ATP8B4: variants seen among roughly 807,000 people sequenced by gnomAD.
The protein encoded by ATP8B4 is ATPase phospholipid transporting 8B4 (putative).
In ATP8B4, 133 loss-of-function variants were observed where a neutral mutation model predicts 145.6. The observed-to-expected ratio is 0.91, with a 90% confidence interval of 0.79 to 1.05. ATP8B4 has a LOEUF of 1.05. Ranked by LOEUF, ATP8B4 falls within the 50% of genes least tolerant of loss-of-function variation. ATP8B4 has a pLI of 0.00. For synonymous variants in ATP8B4, 507 were observed against 492.9 expected (o/e 1.03, Z -0.38); for missense variants, 1,458 against 1,425.2 (o/e 1.02, Z -0.37).
At chr15:50,093,484 G>C (rs1260407924) in intron 2 of ATP8B4, among the ~76,000 whole-genome samples, 1 of 151,938 alleles carries the variant, frequency 6.6e-6, no homozygotes, top group African/African-American at 2.4e-5. Flanking sequence ...GTTGTAACCA[G>C]AGTAATCACA....
At chr15:50,130,848 G>A (rs771056260) in intron 1 of ATP8B4, among the ~76,000 whole-genome samples, 19 of 152,064 alleles carry the variant, frequency 1.2e-4, no homozygotes, top group Non-Finnish European at 2.5e-4. Context: ...TTAGTCTAAC[G>A]TTCTATGTTA....
At chr15:49,952,357 A>G (rs761572095) in intron 14 of ATP8B4, among the ~76,000 whole-genome samples, 3 of 151,938 alleles carry the variant, frequency 2.0e-5, no homozygotes, top group Non-Finnish European at 2.9e-5. Context: ...TGGTGTTTTT[A>G]TGAAGTCCCA....
chr15:49,952,064 T>G (rs372850239), intron 14 of ATP8B4, among the ~76,000 whole-genome samples: 5 of 152,240 alleles, frequency 3.3e-5, no homozygotes, highest in African/African-American at 1.2e-4. Flanking sequence ...AGAGATCTGC[T>G]GATAGTCTGA....
At chr15:50,029,629 C>T (rs1430298805) in intron 6 of ATP8B4, among the ~76,000 whole-genome samples, 3 of 152,096 alleles carry the variant, frequency 2.0e-5, no homozygotes, top group Non-Finnish European at 4.4e-5. Context: ...TTGCAAATAT[C>T]TTTGTACTAT....
upstream of ATP8B4, among the ~76,000 whole-genome samples, chr15:50,121,465 A>G (rs2057269641): frequency 6.6e-6 from 1 of 152,146 alleles, no homozygotes; most frequent in Non-Finnish European, 1.5e-5. Context: ...TGAACTGTAC[A>G]CTTAAAGGTA....
At chr15:49,950,926 C>G (rs2043048716) in intron 14 of ATP8B4, among the ~76,000 whole-genome samples, 1 of 152,154 alleles carries the variant, frequency 6.6e-6, no homozygotes, top group Non-Finnish European at 1.5e-5. Context: ...TTTCAAAGAA[C>G]TTCTTGATTT....
At chr15:50,136,778 G>A (rs1226751429) in intron 1 of ATP8B4, among the ~76,000 whole-genome samples, 1 of 152,166 alleles carries the variant, frequency 6.6e-6, no homozygotes, top group Non-Finnish European at 1.5e-5. Flanking sequence ...CTGCCACGCA[G>A]CAGCTGAACA....
chr15:50,173,048 G>C (rs974121576), intron 1 of ATP8B4, among the ~76,000 whole-genome samples: 2 of 145,220 alleles, frequency 1.4e-5, no homozygotes, highest in African/African-American at 5.2e-5. Flanking sequence ...GGCAGCCTCC[G>C]CCCGGCCAGC....
intron 23 of ATP8B4, among the ~76,000 whole-genome samples, chr15:49,880,919 T>C (rs1405571790): frequency 6.6e-6 from 1 of 151,918 alleles, no homozygotes; most frequent in Admixed American, 6.6e-5. Flanking sequence ...AAGACCATCC[T>C]GGCTAACATG....
chr15:50,152,431 C>T (rs2044359960), intron 1 of ATP8B4, among the ~76,000 whole-genome samples: 2 of 151,448 alleles, frequency 1.3e-5, no homozygotes, highest in Admixed American at 1.3e-4. Flanking sequence ...AATAACATGC[C>T]CATAAATGTA....
chr15:50,157,309 G>A (rs1595655892), intron 1 of ATP8B4, among the ~76,000 whole-genome samples: 1 of 152,114 alleles, frequency 6.6e-6, no homozygotes, highest in African/African-American at 2.4e-5. Flanking sequence ...ATCAAAAAGA[G>A]AGAGACTCAG....
At chr15:49,929,016 C>T (rs1486812356) in intron 16 of ATP8B4, among the ~76,000 whole-genome samples, 2 of 152,102 alleles carry the variant, frequency 1.3e-5, no homozygotes, top group Non-Finnish European at 2.9e-5. Flanking sequence ...GTGGGCCCCA[C>T]CTCAGACCAG....
At chr15:49,965,853 C>G (rs778662855) in intron 13 of ATP8B4, among the ~76,000 whole-genome samples, 10 of 148,306 alleles carry the variant, frequency 6.7e-5, no homozygotes, top group Non-Finnish European at 1.4e-4. Flanking sequence ...AGGAACAGCT[C>G]TGGTCCGTAG....
At chr15:50,029,238 T>TAAAAAAAAAAAAAAAAAA (rs58363112) in intron 6 of ATP8B4, among the ~76,000 whole-genome samples, 11 of 76,606 alleles carry the variant, frequency 1.4e-4, no homozygotes, top group African/African-American at 3.0e-4. Flanking sequence ...GACTCCATCT[T>TAAAAAAAAAAAAAAAAAA]AAAAAAAAAA....
intron 20 of ATP8B4, among the ~76,000 whole-genome samples, chr15:49,913,173 T>C (rs927285680): frequency 1.3e-5 from 2 of 149,356 alleles, no homozygotes; most frequent in East Asian, 3.9e-4. Flanking sequence ...AGATCAAAAA[T>C]ATAATACACC....
chr15:50,016,793 G>A (rs1406191688), intron 6 of ATP8B4, among the ~76,000 whole-genome samples: 1 of 152,220 alleles, frequency 6.6e-6, no homozygotes, highest in Admixed American at 6.5e-5. Flanking sequence ...ACTCCTGACA[G>A]CTGGGAAAAT....
chr15:50,133,661 C>T (rs2044079891), intron 1 of ATP8B4, among the ~76,000 whole-genome samples: 1 of 151,866 alleles, frequency 6.6e-6, no homozygotes, highest in Admixed American at 6.6e-5. Context: ...GCATAATAAG[C>T]AGTTGCCAGG....
chr15:49,893,582 A>G lies in ATP8B4; in HGVS notation c.2697+3710T>C, dbSNP rs116426810. Among the ~76,000 whole-genome samples the G allele has an allele frequency of 4.6e-3, 697 of 152,352 alleles. 4 individuals carry two copies. The highest frequency in any genetic ancestry group is 0.016 in the African/African-American group (666 of 41,594). ...ACAAACACTATATGATTCCATTTAT[A>G]TGAGGTATCTAAAGTAGGAAAACTC... On this transcript the variant is annotated intron_variant, in intron 23 of 27. Transcript: ENST00000284509.
At chr15:49,918,451 A>C (rs975891768) in intron 19 of ATP8B4, among the ~76,000 whole-genome samples, 3 of 152,224 alleles carry the variant, frequency 2.0e-5, no homozygotes, top group African/African-American at 7.2e-5. Context: ...CCCACCATCA[A>C]GAAACTAAAG....
Sources: allele counts gnomAD v4.1 joint callset (sites outside exome capture counted in the v4.1 genomes callset), GRCh38; gene constraint gnomAD v4.1.1; transcripts MANE v1.5; gene names NCBI Gene and HGNC (gene_info 2026-07-23, HGNC 2026-07-21).